The following ANKAR variants were observed in gnomAD, a reference collection of about 807,000 sequenced individuals.
ANKAR encodes ankyrin and armadillo repeat containing.
A neutral mutation model predicts 146.2 loss-of-function variants in ANKAR; 136 were observed. The ratio of observed to expected loss-of-function variants is 0.93; its 90% CI spans 0.81 to 1.07. The LOEUF (loss-of-function observed/expected upper bound fraction) is 1.07, where lower values mean the gene tolerates loss of function less well. Among genes scored for constraint, ANKAR ranks in the 50% least tolerant of loss-of-function variants. The pLI, the probability that ANKAR is intolerant of heterozygous loss-of-function variation, is 0.00. For missense variants in ANKAR, 1,567 were observed against 1,679.9 expected (o/e 0.93, Z 1.18); for synonymous variants, 500 against 575.8 (o/e 0.87, Z 1.88).
intron 7 of ANKAR, among the ~76,000 whole-genome samples, chr2:189,699,102 C>A (rs892637002): frequency 6.6e-6 from 1 of 152,152 alleles, no homozygotes; most frequent in Non-Finnish European, 1.5e-5. Context: ...CAGAAAAACG[C>A]TTGGCCTTCA....
chr2:189,743,233 A>G, intron 20 of ANKAR, 42 bp from the exon 21 acceptor site: 2 of 1,579,884 alleles, frequency 1.3e-6, no homozygotes, highest in Non-Finnish European at 1.7e-6. Context: ...ATATTTTAAG[A>G]ACAAAGCCCA....
chr2:189,720,723 T>C lies in ANKAR; in HGVS notation c.2571T>C (p.Asn857=), dbSNP rs773555422. The change falls in exon 12 of 23, where the codon AAT becomes AAC. Residue 857 remains asparagine (N), a synonymous_variant. Coordinates refer to ENST00000684021, the MANE Select transcript of ANKAR (RefSeq NM_001378068.1). ...TATTGTGTATAGGAAATGAAAACAA[T>C]CAAAGAGCTGTGAGAGAACATAAAG... The part of the protein sequence containing the change: ...IRVLCIGNEN[N]QRAVREHKGL... The C allele has an allele frequency of 1.3e-6, 2 of 1,522,882 alleles. No individual in the cohort carries two copies. The highest frequency in any genetic ancestry group is 1.8e-6 in the Non-Finnish European group (2 of 1,140,064). 94.3% of individuals were successfully genotyped at this position (1,522,882 alleles called of 1,614,324 possible).
At chr2:189,756,008 T>G (rs2046024377) in intron 18 of ANKAR, among the ~76,000 whole-genome samples, 1 of 152,138 alleles carries the variant, frequency 6.6e-6, no homozygotes, top group African/African-American at 2.4e-5. Flanking sequence ...CAGAGAACCT[T>G]AAGAACTATA....
chr2:189,757,935 T>C (rs1574900931), intron 18 of ANKAR, among the ~76,000 whole-genome samples: 2 of 152,362 alleles, frequency 1.3e-5, no homozygotes, highest in East Asian at 3.9e-4. Flanking sequence ...CTTAGTGATA[T>C]GGTTTGGATC....
intron 15 of ANKAR, among the ~76,000 whole-genome samples, 200 bp downstream of exon 15, chr2:189,729,021 A>G (rs1168720847): frequency 1.3e-5 from 2 of 152,202 alleles, no homozygotes; most frequent in Non-Finnish European, 2.9e-5. Flanking sequence ...AGAATCTTAT[A>G]TCAGTCTTGC....
Position 189,730,514 on chromosome 2 carries a change from TC to T in ANKAR, c.3215del (p.Pro1072LeufsTer8). The T allele has an allele frequency of 6.2e-7, 1 of 1,601,844 alleles. No homozygotes were observed. The highest frequency in any genetic ancestry group is 1.1e-5 in the South Asian group (1 of 89,552). On this transcript the variant is annotated frameshift_variant, in exon 16 of 23. Transcript: ENST00000684021. LOFTEE classifies it high-confidence loss of function. ...TTACAGGTGTAGCCCATACAAGCAA[TC>T]CTGTCAGTCAACAATTGGTTGTAGA... The part of the protein sequence containing the change: ...ICIGVAHTSN[P>X]VSQQLVVDEN...
chr2:189,755,050 T>A, intron 18 of ANKAR: 5 of 1,183,952 alleles, frequency 4.2e-6, no homozygotes, highest in Non-Finnish European at 2.3e-6. Flanking sequence ...ATATGTGAAT[T>A]TTTTTCAGTT....
chr2:189,741,419 C>T lies in ANKAR; in HGVS notation c.3778C>T (p.Leu1260Phe). 6.2e-7 allele frequency: 1 copy of T among 1,611,468 alleles called. No individual in the cohort carries two copies. Among genetic ancestry groups the T allele is most frequent in the Non-Finnish European group, 8.5e-7 (1 of 1,178,674 alleles). Residue 1260 changes from leucine (L) to phenylalanine (F), a missense_variant, in exon 20 of 23, where the codon CTC becomes TTC. Coordinates refer to ENST00000684021, the MANE Select transcript of ANKAR (RefSeq NM_001378068.1). The part of the protein sequence containing the change: ...AFTTLGTIQR[L>F]CYHLYSGIEE... Reference sequence around the variant, plus strand: ...TACCACATTAGGAACAATCCAACGGCTCTGCTATCATTTGTACTCGGGAAT... The same window carrying T: ...TACCACATTAGGAACAATCCAACGGTTCTGCTATCATTTGTACTCGGGAAT...
intron 16 of ANKAR, among the ~76,000 whole-genome samples, chr2:189,731,765 A>G (rs979996624): frequency 2.0e-5 from 3 of 152,004 alleles, no homozygotes; most frequent in Admixed American, 1.3e-4. Context: ...CAGTAGTGCA[A>G]TCTTGGCTCA....
downstream of ANKAR, among the ~76,000 whole-genome samples, chr2:189,762,192 A>G (rs919602749): frequency 2.0e-5 from 3 of 152,212 alleles, no homozygotes; most frequent in Non-Finnish European, 4.4e-5. Context: ...CAATCTTTGG[A>G]ATTAAATCTC....
At chr2:189,702,091 T>C (rs1008270365) in intron 7 of ANKAR, among the ~76,000 whole-genome samples, 1 of 152,008 alleles carries the variant, frequency 6.6e-6, no homozygotes, top group Non-Finnish European at 1.5e-5. Context: ...GGGACTGGAG[T>C]TGGGCATTTC....
rs538592989 is a variant in ANKAR, at chr2:189,685,306, C to T, written c.602-4221C>T. 2.6e-5 allele frequency among the ~76,000 whole-genome samples: 4 copies of T among 151,460 alleles called. No homozygotes were observed. The South Asian group carries it at 6.3e-4, about 24-fold the overall frequency. ...CATTATTTTTCATGATATGAACAAT[C>T]GTGGTTTTTTTTTCCAGTAGCTAAC... On this transcript the variant is annotated intron_variant, in intron 2 of 22. Coordinates refer to ENST00000684021, the MANE Select transcript of ANKAR (RefSeq NM_001378068.1).
intron 12 of ANKAR, among the ~76,000 whole-genome samples, chr2:189,721,655 T>C (rs1416642637): frequency 2.0e-5 from 3 of 152,186 alleles, no homozygotes; most frequent in Non-Finnish European, 4.4e-5. Flanking sequence ...AATGGTCTCC[T>C]GGGTTCTGTA....
At chr2:189,701,554 T>C (rs986802779) in intron 7 of ANKAR, among the ~76,000 whole-genome samples, 6 of 152,222 alleles carry the variant, frequency 3.9e-5, no homozygotes, top group Admixed American at 6.5e-5. Context: ...TCTACTGATA[T>C]ATCTTCAGGA....
chr2:189,695,823 A>G (rs1317527047), intron 6 of ANKAR, among the ~76,000 whole-genome samples: 1 of 152,252 alleles, frequency 6.6e-6, no homozygotes. Context: ...CTACAGCTAT[A>G]TATTTCAAAT....
chr2:189,684,668 A>G (rs1353464454), intron 2 of ANKAR, among the ~76,000 whole-genome samples: 3 of 151,828 alleles, frequency 2.0e-5, no homozygotes, highest in Non-Finnish European at 4.4e-5. Flanking sequence ...CAGGCTCTAC[A>G]AAATATACAA....
intron 2 of ANKAR, among the ~76,000 whole-genome samples, chr2:189,685,122 C>T (rs1021341085): frequency 6.6e-6 from 1 of 152,088 alleles, no homozygotes; most frequent in African/African-American, 2.4e-5. Flanking sequence ...CTTCCTGCCT[C>T]AGCCTCCTGA....
chr2:189,687,968 G>A (rs912453628), intron 2 of ANKAR, among the ~76,000 whole-genome samples: 2 of 152,122 alleles, frequency 1.3e-5, no homozygotes, highest in Non-Finnish European at 2.9e-5. Context: ...AAGTTGATGT[G>A]ATCCCATTTG....
chr2:189,732,659 TAAAAAAAA>T (rs10707585), intron 16 of ANKAR, among the ~76,000 whole-genome samples: 2 of 50,388 alleles, frequency 4.0e-5, no homozygotes, highest in Non-Finnish European at 7.4e-5. Context: ...AGACTCCATC[TAAAAAAAA>T]AAAAAAAAAA....
Sources: gnomAD v4.1 joint callset for allele counts (sites outside exome capture counted in the v4.1 genomes callset) on GRCh38, gnomAD v4.1.1 for gene constraint, MANE v1.5 for transcripts, NCBI Gene and HGNC (gene_info 2026-07-23, HGNC 2026-07-21) for gene names.